The following NAALADL2 variants were observed in gnomAD, a reference collection of about 807,000 sequenced individuals.
The protein encoded by NAALADL2 is inactive N-acetylated-alpha-linked acidic dipeptidase-like protein 2.
A neutral mutation model predicts 87.2 loss-of-function variants in NAALADL2; 76 were observed. The observed-to-expected ratio is 0.87, with a 90% CI of 0.72 to 1.05. The LOEUF is 1.05. NAALADL2 is among the 50% of genes least tolerant of loss of function. NAALADL2 has a pLI of 0.00. For missense variants in NAALADL2, 1,089 were observed against 945.8 expected (o/e 1.15, Z -1.99); for synonymous variants, 354 against 331.0 (o/e 1.07, Z -0.75).
chr3:174,613,206 G>A (rs568027994), intron 2 of NAALADL2, among the ~76,000 whole-genome samples: 5 of 152,280 alleles, frequency 3.3e-5, no homozygotes, highest in Non-Finnish European at 5.9e-5. Context: ...CTCCCATGTG[G>A]CCACCATCAC....
intron 1 of NAALADL2, among the ~76,000 whole-genome samples, chr3:174,871,039 G>A (rs977263415): frequency 6.6e-6 from 1 of 152,146 alleles, no homozygotes; most frequent in Non-Finnish European, 1.5e-5. Context: ...TGAACAAGTA[G>A]TTGAAAGTAA....
chr3:175,639,338 T>TTTTTTTTTTG (rs3979289), intron 11 of NAALADL2, among the ~76,000 whole-genome samples: 1 of 143,098 alleles, frequency 7.0e-6, no homozygotes, highest in East Asian at 2.0e-4. Context: ...TTTTTTTTTT[T>TTTTTTTTTTG]GAGACGGAGT....
At chr3:175,127,183 C>T (rs554244831) in intron 2 of NAALADL2, among the ~76,000 whole-genome samples, 73 of 152,128 alleles carry the variant, frequency 4.8e-4, no homozygotes, top group Admixed American at 4.5e-3. Flanking sequence ...ACATGTCATT[C>T]AGAAAAAGGT....
chr3:174,657,963 T>C (rs887785703), intron 2 of NAALADL2, among the ~76,000 whole-genome samples: 8 of 152,206 alleles, frequency 5.3e-5, no homozygotes, highest in African/African-American at 1.7e-4. Flanking sequence ...CATTTCTTTT[T>C]AACGCCATCT....
intron 9 of NAALADL2, among the ~76,000 whole-genome samples, chr3:175,536,303 A>C (rs1183057881): frequency 1.3e-5 from 2 of 152,230 alleles, no homozygotes; most frequent in Non-Finnish European, 2.9e-5. Context: ...GCTGTTAAAC[A>C]TCGGTTTAAA....
At chr3:174,971,313 T>C (rs1481802372) in intron 1 of NAALADL2, among the ~76,000 whole-genome samples, 2 of 152,206 alleles carry the variant, frequency 1.3e-5, no homozygotes, top group East Asian at 3.9e-4. Flanking sequence ...ATTGGATTGA[T>C]ATTGTTAAAA....
Position 175,763,321 on chromosome 3 carries a change from A to G in NAALADL2, c.2189+7903A>G, listed in dbSNP as rs563198516. Among the ~76,000 whole-genome samples the G allele has an allele frequency of 2.0e-5, 3 of 152,102 alleles. No homozygotes were observed. The South Asian group carries it at 6.2e-4, about 32-fold the overall frequency. ...TACATTTTAGATTTTGGCATCAACCATTTTGTGGTTGAAATTTAATATCTT... is the reference window on the plus strand; with the variant it reads ...TACATTTTAGATTTTGGCATCAACCGTTTTGTGGTTGAAATTTAATATCTT... On this transcript the variant is annotated intron_variant, in intron 13 of 13. Transcript: ENST00000454872.
chr3:175,756,991 A>G (rs957465448), intron 13 of NAALADL2, among the ~76,000 whole-genome samples: 1 of 151,132 alleles, frequency 6.6e-6, no homozygotes, highest in Non-Finnish European at 1.5e-5. Context: ...ATTTGTGTAT[A>G]TATATTTTTT....
intron 1 of NAALADL2, among the ~76,000 whole-genome samples, chr3:174,543,966 C>A (rs1369157968): frequency 1.3e-5 from 2 of 151,576 alleles, no homozygotes; most frequent in Non-Finnish European, 2.9e-5. Flanking sequence ...TGAGATCATG[C>A]CAAAGCACTC....
intron 9 of NAALADL2, among the ~76,000 whole-genome samples, chr3:175,509,836 CT>C (rs1049302855): frequency 6.7e-6 from 1 of 149,262 alleles, no homozygotes; most frequent in Non-Finnish European, 1.5e-5. Context: ...CATCCTTTTT[CT>C]TTTTTTTCTT....
intron 2 of NAALADL2, among the ~76,000 whole-genome samples, chr3:175,137,887 G>T (rs917661328): frequency 6.6e-6 from 1 of 151,934 alleles, no homozygotes; most frequent in Non-Finnish European, 1.5e-5. Context: ...GCCTCCCAAA[G>T]TGCTGGGATT....
At chr3:174,953,396 G>A (rs1740703174) in intron 1 of NAALADL2, among the ~76,000 whole-genome samples, 1 of 138,428 alleles carries the variant, frequency 7.2e-6, no homozygotes, top group African/African-American at 2.7e-5. Context: ...CCTACTACGT[G>A]TCAGGCATAG....
intron 9 of NAALADL2, among the ~76,000 whole-genome samples, chr3:175,527,435 C>T (rs1415383831): frequency 6.6e-6 from 1 of 152,058 alleles, no homozygotes; most frequent in African/African-American, 2.4e-5. Flanking sequence ...TCAACTAAAC[C>T]AAAATATACT....
intron 11 of NAALADL2, among the ~76,000 whole-genome samples, chr3:175,633,955 T>G (rs1019464345): frequency 1.3e-5 from 2 of 151,840 alleles, no homozygotes; most frequent in Non-Finnish European, 2.9e-5. Flanking sequence ...TTGATTTCCA[T>G]TATATATGTG....
At chr3:175,781,964 T>C (rs1751182817) in intron 13 of NAALADL2, among the ~76,000 whole-genome samples, 1 of 151,712 alleles carries the variant, frequency 6.6e-6, no homozygotes, top group East Asian at 2.0e-4. Context: ...TGTTTGGTTT[T>C]TTGTTCTTGC....
intron 1 of NAALADL2, among the ~76,000 whole-genome samples, chr3:174,946,340 G>T (rs544135226): frequency 6.6e-6 from 1 of 152,190 alleles, no homozygotes; most frequent in South Asian, 2.1e-4. Flanking sequence ...TTCAGTAATA[G>T]AATCTATGGT....
intron 1 of NAALADL2, among the ~76,000 whole-genome samples, chr3:174,971,665 CTGTGTGTGTGTGTG>C (rs10662918): frequency 2.1e-5 from 3 of 144,724 alleles, no homozygotes; most frequent in South Asian, 4.5e-4. Context: ...GTATGCTAGA[CTGTGTGTGTGTGTG>C]TGTGTGTGTG....
At chr3:175,646,857 C>A (rs112979500) in intron 11 of NAALADL2, among the ~76,000 whole-genome samples, 2 of 152,032 alleles carry the variant, frequency 1.3e-5, no homozygotes, top group African/African-American at 4.8e-5. Flanking sequence ...CTTTATCCAG[C>A]CGAGTGTTAA....
intron 9 of NAALADL2, among the ~76,000 whole-genome samples, chr3:175,537,269 G>T (rs1032118790): frequency 6.6e-6 from 1 of 152,106 alleles, no homozygotes; most frequent in African/African-American, 2.4e-5. Context: ...TTACAAAAAT[G>T]AATTGGTAAC....
Sources: allele counts gnomAD v4.1 joint callset (sites outside exome capture counted in the v4.1 genomes callset), GRCh38; gene constraint gnomAD v4.1.1; transcripts MANE v1.5; gene names NCBI Gene and HGNC (gene_info 2026-07-23, HGNC 2026-07-21).